ERG: variants seen among roughly 807,000 people sequenced by gnomAD.
The protein encoded by ERG is ETS transcription factor ERG.
A neutral mutation model predicts 55.3 loss-of-function variants in ERG; 9 were observed. The observed-to-expected ratio is 0.16, with a 90% confidence interval of 0.10 to 0.28. The LOEUF is 0.28. Ranked by LOEUF, ERG falls within the 10% of genes least tolerant of loss-of-function variation. The pLI, the probability that ERG is intolerant of heterozygous loss-of-function variation, is 1.00. For missense variants in ERG, 434 were observed against 631.6 expected, an observed-to-expected ratio of 0.69 and a Z score of 3.35; for synonymous variants, 223 against 237.3, an observed-to-expected ratio of 0.94 and a Z score of 0.55.
At chr21:38,542,895 G>T (rs756166716) in intron 2 of ERG, among the ~76,000 whole-genome samples, 1 of 152,172 alleles carries the variant, frequency 6.6e-6, no homozygotes, top group Non-Finnish European at 1.5e-5. Flanking sequence ...CTGCCTTAAA[G>T]GTTTTTTAAA....
upstream of ERG, among the ~76,000 whole-genome samples, chr21:38,500,422 C>A (rs939992111): frequency 7.9e-5 from 12 of 152,160 alleles, 1 homozygote; most frequent in Admixed American, 7.9e-4. Context: ...CTGGTTCTTG[C>A]CTAATGCAAA....
chr21:38,414,035 A>G (rs529885922), intron 3 of ERG, among the ~76,000 whole-genome samples: 3 of 152,338 alleles, frequency 2.0e-5, no homozygotes, highest in African/African-American at 7.2e-5. Flanking sequence ...TCATCGTCTC[A>G]TAGTTCTGGA....
intron 1 of ERG, among the ~76,000 whole-genome samples, chr21:38,591,033 G>C (rs1285172462): frequency 2.6e-5 from 4 of 152,170 alleles, no homozygotes; most frequent in Admixed American, 2.6e-4. Context: ...AGGATTGAAG[G>C]CAGTGTCTGA....
At chr21:38,573,327 A>C (rs912635392) in intron 2 of ERG, among the ~76,000 whole-genome samples, 1 of 152,220 alleles carries the variant, frequency 6.6e-6, no homozygotes, top group Admixed American at 6.5e-5. Flanking sequence ...GAGGTGGATT[A>C]GTAAAAGAGG....
At position 38,445,490 on chromosome 21, in the gene ERG, G is replaced by A. The variant is rs1308168878; in HGVS notation, c.150C>T (p.Arg50=). 8.1e-6 allele frequency: 13 copies of A among 1,614,012 alleles called. No individual in the cohort carries two copies. Among genetic ancestry groups the A allele is most frequent in the East Asian group, 4.5e-5 (2 of 44,876 alleles). Residue 50 remains arginine, a synonymous_variant, in exon 2 of 10, where the codon CGC becomes CGT. Coordinates refer to ENST00000288319, the MANE Select transcript of ERG (RefSeq NM_182918.4). ...DYGQTSKMSP[R]VPQQDWLSQP... The stretch of plus-strand genomic sequence containing the variant: ...GAGACAGCCAATCCTGCTGAGGGAC[G>A]CGTGGGCTCATCTTGGAAGTCTGTC...
At chr21:38,556,429 GAGA>G (rs575312279) in intron 2 of ERG, among the ~76,000 whole-genome samples, 6 of 152,270 alleles carry the variant, frequency 3.9e-5, no homozygotes, top group African/African-American at 1.4e-4. Context: ...CACCCAAGGA[GAGA>G]AGAAGTCACA....
chr21:38,643,365 G>A (rs529625451), intron 1 of ERG, among the ~76,000 whole-genome samples: 1 of 152,258 alleles, frequency 6.6e-6, no homozygotes, highest in South Asian at 2.1e-4. Flanking sequence ...TCTGGACACA[G>A]CCAGTGAGCC....
intron 1 of ERG, among the ~76,000 whole-genome samples, chr21:38,624,842 T>C (rs2087094830): frequency 6.6e-6 from 1 of 152,220 alleles, no homozygotes. Context: ...TAAAGTTTTC[T>C]GTTTATGTGG....
chr21:38,385,064 G>A (rs1043186476), intron 9 of ERG, among the ~76,000 whole-genome samples: 7 of 152,160 alleles, frequency 4.6e-5, no homozygotes, highest in Non-Finnish European at 7.4e-5. Context: ...GGTGGACAAA[G>A]TCAGAATTTT....
At chr21:38,496,623 T>A (rs2059381896) in intron 1 of ERG, among the ~76,000 whole-genome samples, 1 of 152,170 alleles carries the variant, frequency 6.6e-6, no homozygotes, top group Non-Finnish European at 1.5e-5. Flanking sequence ...CATAATGCAA[T>A]GTAATAAAAT....
intron 1 of ERG, among the ~76,000 whole-genome samples, chr21:38,593,451 A>G (rs2060113196): frequency 6.6e-6 from 1 of 152,254 alleles, no homozygotes; most frequent in Non-Finnish European, 1.5e-5. Context: ...ATGTATTTCT[A>G]AGAAAGTTCA....
intron 1 of ERG, among the ~76,000 whole-genome samples, chr21:38,481,342 T>C (rs2059236651): frequency 6.6e-6 from 1 of 152,224 alleles, no homozygotes; most frequent in Non-Finnish European, 1.5e-5. Flanking sequence ...GCACTTTACA[T>C]GCGGACGCTG....
intron 1 of ERG, among the ~76,000 whole-genome samples, chr21:38,642,084 A>G (rs1250771886): frequency 6.6e-6 from 1 of 152,264 alleles, no homozygotes; most frequent in East Asian, 1.9e-4. Context: ...ATGGAATACT[A>G]GACAGTTTAA....
At chr21:38,491,979 T>A (rs1221776389) in intron 1 of ERG, among the ~76,000 whole-genome samples, 1 of 81,148 alleles carries the variant, frequency 1.2e-5, no homozygotes, top group Non-Finnish European at 3.7e-5. Flanking sequence ...ATGGGATTTT[T>A]CCCAGAAGAG....
At chr21:38,600,746 G>C (rs1044944063) in intron 1 of ERG, among the ~76,000 whole-genome samples, 1 of 152,176 alleles carries the variant, frequency 6.6e-6, no homozygotes, top group Non-Finnish European at 1.5e-5. Flanking sequence ...CACATTTCTG[G>C]CTTAAAGATG....
At chr21:38,493,981 CG>C (rs764460285) in intron 1 of ERG, among the ~76,000 whole-genome samples, 11 of 152,018 alleles carry the variant, frequency 7.2e-5, no homozygotes, top group African/African-American at 2.4e-4. Flanking sequence ...GTTACATCCG[CG>C]GGGGGGCGTC....
chr21:38,593,692 C>T (rs1195347816), intron 1 of ERG, among the ~76,000 whole-genome samples: 1 of 151,954 alleles, frequency 6.6e-6, no homozygotes, highest in Non-Finnish European at 1.5e-5. Flanking sequence ...ACCCAATTGG[C>T]AATTAGCTAA....
intron 6 of ERG, among the ~76,000 whole-genome samples, chr21:38,393,681 C>T (rs1201774588): frequency 1.3e-5 from 2 of 152,154 alleles, no homozygotes; most frequent in Admixed American, 6.5e-5. Context: ...GTGTCTCTTC[C>T]TATTTTCATA....
Position 38,461,297 on chromosome 21 carries a change from C to T in ERG, c.19-15676G>A, listed in dbSNP as rs754613978. On this transcript the variant is annotated intron_variant, in intron 1 of 9. Transcript: ENST00000288319. ...CATGCCTGTTTCTGAGTCCAAATTACCTCTTTTTATAAGGACATCAGTCCC... is the reference window on the plus strand; with the variant it reads ...CATGCCTGTTTCTGAGTCCAAATTATCTCTTTTTATAAGGACATCAGTCCC... 7.2e-5 allele frequency among the ~76,000 whole-genome samples: 11 copies of T among 152,242 alleles called. No homozygotes were observed. The South Asian group carries it at 1.0e-3, about 14-fold the overall frequency.
Sources: gnomAD v4.1 joint callset for allele counts (sites outside exome capture counted in the v4.1 genomes callset) on GRCh38, gnomAD v4.1.1 for gene constraint, MANE v1.5 for transcripts, NCBI Gene and HGNC (gene_info 2026-07-23, HGNC 2026-07-21) for gene names.